PTPRD: variants seen among roughly 807,000 people sequenced by gnomAD.
The protein encoded by PTPRD is receptor-type tyrosine-protein phosphatase delta.
In PTPRD, 34 loss-of-function variants were observed where a neutral mutation model predicts 214.5. The observed-to-expected ratio is 0.16, with a 90% CI of 0.12 to 0.21. The LOEUF (loss-of-function observed/expected upper bound fraction) is 0.21, where lower values mean the gene tolerates loss of function less well. PTPRD is among the 10% of genes least tolerant of loss of function. The pLI is 1.00. For missense variants in PTPRD, 2,545 were observed against 2,398.7 expected (o/e 1.06, Z -1.27); for synonymous variants, 1,128 against 845.7 (o/e 1.33, Z -5.79).
chr9:9,714,593 G>C (rs1356744139), intron 7 of PTPRD, among the ~76,000 whole-genome samples: 14 of 152,142 alleles, frequency 9.2e-5, no homozygotes, highest in Admixed American at 6.5e-5. Context: ...TATTTCTTTA[G>C]CATATCTTGC....
chr9:9,547,649 A>T lies in PTPRD; in HGVS notation c.-237+27083T>A, dbSNP rs144107143. On this transcript the variant is annotated intron_variant, in intron 8 of 45. Transcript: ENST00000381196. The stretch of plus-strand genomic sequence containing the variant: ...GCCATAGGATATCTGTATGACAAGG[A>T]TATTTTGTACATCAGGATATTTAGC... Among the ~76,000 whole-genome samples, 764 of 152,230 alleles carry T rather than the reference A, an allele frequency of 5.0e-3. 19 individuals are homozygous for T. Among genetic ancestry groups the T allele is most frequent in the Admixed American group, 0.039 (595 of 15,266 alleles).
At chr9:9,083,331 G>C (rs564114910) in intron 10 of PTPRD, among the ~76,000 whole-genome samples, 265 of 152,086 alleles carry the variant, frequency 1.7e-3, no homozygotes, top group Non-Finnish European at 3.0e-3. Context: ...TCCTGGTGTT[G>C]GGAAAACTGT....
intron 5 of PTPRD, among the ~76,000 whole-genome samples, chr9:9,936,409 G>A (rs540983966): frequency 2.0e-4 from 30 of 152,004 alleles, no homozygotes; most frequent in Non-Finnish European, 4.0e-4. Flanking sequence ...TAAAAAGTGG[G>A]CGAAGGACAT....
intron 3 of PTPRD, among the ~76,000 whole-genome samples, chr9:10,071,736 A>G (rs1041776443): frequency 2.0e-5 from 3 of 152,038 alleles, no homozygotes; most frequent in Non-Finnish European, 4.4e-5. Flanking sequence ...GTGTTTAGGT[A>G]TAACACCATA....
At chr9:10,050,735 C>G (rs114137809) in intron 3 of PTPRD, among the ~76,000 whole-genome samples, 24 of 151,858 alleles carry the variant, frequency 1.6e-4, no homozygotes, top group African/African-American at 5.8e-4. Context: ...ATCCATGGAA[C>G]TCTCCCAAAT....
chr9:9,785,893 T>C (rs2098919785), intron 5 of PTPRD, among the ~76,000 whole-genome samples: 1 of 152,118 alleles, frequency 6.6e-6, no homozygotes, highest in South Asian at 2.1e-4. Flanking sequence ...CAAAAAAAAT[T>C]CAAAGCCAAT....
At chr9:9,573,543 G>C (rs2087280097) in intron 8 of PTPRD, among the ~76,000 whole-genome samples, 1 of 151,476 alleles carries the variant, frequency 6.6e-6, no homozygotes, top group African/African-American at 2.4e-5. Context: ...AAACACTGGA[G>C]ATAATAGTAA....
chr9:10,014,785 A>G (rs1447453332), intron 4 of PTPRD, among the ~76,000 whole-genome samples: 2 of 152,006 alleles, frequency 1.3e-5, no homozygotes, highest in African/African-American at 4.8e-5. Flanking sequence ...ATAAATCTGT[A>G]TTGCAACAAA....
intron 3 of PTPRD, among the ~76,000 whole-genome samples, chr9:10,298,443 T>C (rs943946839): frequency 6.6e-6 from 1 of 152,102 alleles, no homozygotes; most frequent in African/African-American, 2.4e-5. Flanking sequence ...TAAAAGAATA[T>C]GTTAGAGTTA....
intron 7 of PTPRD, among the ~76,000 whole-genome samples, chr9:9,601,408 A>T (rs2093760547): frequency 6.6e-6 from 1 of 152,040 alleles, no homozygotes; most frequent in African/African-American, 2.4e-5. Flanking sequence ...GAAAATTACA[A>T]ATGTTTAGAA....
rs139315651 is a variant in PTPRD at position 9,571,399 on chromosome 9, C to T, written c.-237+3333G>A. 4.0e-5 allele frequency among the ~76,000 whole-genome samples: 6 copies of T among 151,256 alleles called. No homozygotes were observed. In the East Asian group the frequency reaches 1.2e-3, roughly 29 times the overall value. ...ATATAACAGTATTCTGTAGTTAATA[C>T]TTAAGGCTGTATTTATATTATGGCT... On this transcript the variant is annotated intron_variant, in intron 8 of 45. Transcript: ENST00000381196.
intron 2 of PTPRD, among the ~76,000 whole-genome samples, chr9:10,343,030 A>C (rs901888798): frequency 1.3e-5 from 2 of 152,158 alleles, no homozygotes; most frequent in Non-Finnish European, 2.9e-5. Context: ...CACAACGTGC[A>C]GTTTTGATAC....
chr9:8,659,041 C>A (rs1249795318), intron 12 of PTPRD, among the ~76,000 whole-genome samples: 2 of 151,280 alleles, frequency 1.3e-5, no homozygotes, highest in East Asian at 3.9e-4. Context: ...TGAACTTATT[C>A]TCATCCTTCA....
chr9:9,003,767 G>C (rs1236862424), intron 11 of PTPRD, among the ~76,000 whole-genome samples: 1 of 152,008 alleles, frequency 6.6e-6, no homozygotes, highest in Non-Finnish European at 1.5e-5. Context: ...GTGATAGCTG[G>C]AAAAAGGCTC....
intron 7 of PTPRD, among the ~76,000 whole-genome samples, chr9:9,715,780 G>A (rs916655957): frequency 2.6e-5 from 4 of 152,086 alleles, no homozygotes; most frequent in African/African-American, 9.7e-5. Context: ...TGTGTATTGC[G>A]ATTTTCACAG....
intron 39 of PTPRD, among the ~76,000 whole-genome samples, chr9:8,357,038 C>G (rs1012293674): frequency 1.3e-5 from 2 of 152,114 alleles, no homozygotes; most frequent in African/African-American, 2.4e-5. Flanking sequence ...GGTATTTATT[C>G]TGCTGACGGA....
intron 8 of PTPRD, among the ~76,000 whole-genome samples, chr9:9,398,020 A>G (rs935209004): frequency 1.3e-5 from 2 of 151,928 alleles, no homozygotes; most frequent in East Asian, 1.9e-4. Flanking sequence ...GTGCATACTC[A>G]TGCTACCTTT....
intron 3 of PTPRD, among the ~76,000 whole-genome samples, chr9:10,036,715 G>A (rs1416836680): frequency 6.6e-6 from 1 of 151,840 alleles, no homozygotes; most frequent in Non-Finnish European, 1.5e-5. Context: ...CTCCCAAGAA[G>A]CTGGATTACA....
intron 8 of PTPRD, among the ~76,000 whole-genome samples, chr9:9,556,822 A>G (rs149004240): frequency 0.018 from 2,668 of 152,268 alleles, 38 homozygotes; most frequent in Admixed American, 0.027. Flanking sequence ...TGAAGCCTCA[A>G]AGATTTCTCA....
Sources: gnomAD v4.1 joint callset for allele counts (sites outside exome capture counted in the v4.1 genomes callset) on GRCh38, gnomAD v4.1.1 for gene constraint, MANE v1.5 for transcripts, NCBI Gene and HGNC (gene_info 2026-07-23, HGNC 2026-07-21) for gene names.